The following PPP6R1 variants were observed in gnomAD, a reference collection of about 807,000 sequenced individuals.
PPP6R1 encodes the protein protein phosphatase 6 regulatory subunit 1, also known as serine/threonine-protein phosphatase 6 regulatory subunit 1.
Under a neutral mutation model 104.6 loss-of-function variants are expected in PPP6R1, and 39 were observed. That is an observed-to-expected ratio of 0.37 (90% CI 0.29 to 0.49). The LOEUF (loss-of-function observed/expected upper bound fraction) is 0.49, where lower values mean the gene tolerates loss of function less well. Ranked by LOEUF, PPP6R1 falls within the 20% of genes least tolerant of loss-of-function variation. PPP6R1 has a pLI of 0.98. For synonymous variants in PPP6R1, 549 were observed against 479.0 expected (o/e 1.15, Z -1.91); for missense variants, 1,181 against 1,155.8 (o/e 1.02, Z -0.32).
At position 55,236,728 on chromosome 19, in the gene PPP6R1, A is replaced by C; in HGVS notation, c.1903T>G (p.Ser635Ala). 1 of 1,613,834 alleles carries C rather than the reference A, an allele frequency of 6.2e-7. No individual in the cohort carries two copies. Among genetic ancestry groups the C allele is most frequent in the Non-Finnish European group, 8.5e-7 (1 of 1,179,830 alleles). Residue 635 changes from serine to alanine, a missense_variant, in exon 17 of 24, where the codon TCA (serine) becomes GCA (alanine). By Grantham distance (99) the Ser-to-Ala change is moderately conservative. Coordinates refer to ENST00000412770, the MANE Select transcript of PPP6R1 (RefSeq NM_014931.4). The part of the protein sequence containing the change: ...EEEDEEEAQG[S>A]GESDGEDGAW... Reference sequence around the variant, plus strand: ...CCATCTTCTCCATCAGACTCCCCTGAGCCCTGGGCCTCTTCCTCGTCCTCC... The same window carrying C: ...CCATCTTCTCCATCAGACTCCCCTGCGCCCTGGGCCTCTTCCTCGTCCTCC...
chr19:55,232,447 C>A, intron 17 of PPP6R1: 1 of 502,286 alleles, frequency 2.0e-6, no homozygotes, highest in Non-Finnish European at 3.4e-6. Context: ...AGGAGACCGT[C>A]CGTCGCCAGT....
chr19:55,233,233 A>G (rs2087365821), intron 17 of PPP6R1: 1 of 152,256 alleles, frequency 6.6e-6, no homozygotes, highest in African/African-American at 2.4e-5. Flanking sequence ...TTAACTGGAA[A>G]GTAATATATC....
In PPP6R1 at chr19:55,245,158, G is replaced by A. The variant is rs1283276236; in HGVS notation, c.580C>T (p.Arg194Trp). 5 of 1,613,238 alleles carry A rather than the reference G, an allele frequency of 3.1e-6. No individual in the cohort carries two copies. The Admixed American group carries it at 6.7e-5, about 22-fold the overall frequency. Residue 194 changes from arginine to tryptophan, a missense_variant, in exon 5 of 24, where the codon CGG (arginine) becomes TGG (tryptophan). Physicochemically the swap from Arg to Trp is moderately radical, Grantham distance 101. Transcript: ENST00000412770. The surrounding 1 kb of genome is among the most constrained non-coding windows in gnomAD (Gnocchi z 6.4). ...NWLNEEKIVQ[R>W]LIEQIHPSKD... ...GACGGGTGGATCTGCTCAATCAGCC[G>A]CTGGACGATCTTCTCCTCGTTGAGC... is the stretch of plus-strand genomic sequence containing the variant.
chr19:55,233,816 G>C (rs944453195), intron 17 of PPP6R1, among the ~76,000 whole-genome samples: 3 of 152,226 alleles, frequency 2.0e-5, no homozygotes, highest in African/African-American at 7.2e-5. Flanking sequence ...TCACGTATTA[G>C]AAGACGCAAG....
At chr19:55,257,350 G>A (rs1483190792) in intron 1 of PPP6R1, among the ~76,000 whole-genome samples, 1 of 152,226 alleles carries the variant, frequency 6.6e-6, no homozygotes, top group Non-Finnish European at 1.5e-5. Flanking sequence ...GCACCTGACA[G>A]TCTACGCAGC....
Position 55,241,024 on chromosome 19 carries a change from C to T in PPP6R1, c.1217G>A (p.Cys406Tyr). 6.4e-7 allele frequency: 1 copy of T among 1,574,550 alleles called. No individual in the cohort carries two copies. The highest frequency in any genetic ancestry group is 8.6e-7 in the Non-Finnish European group (1 of 1,160,094). ...NNFLHAQVEGCVSTMLSLGPP... is the reference protein window; with the variant it reads ...NNFLHAQVEGYVSTMLSLGPP... ...CCCCAAGCTCAGCATGGTGCTCACGCATCCCTCTACTTGGGCATGCAAGAA... is the reference window on the plus strand; with the variant it reads ...CCCCAAGCTCAGCATGGTGCTCACGTATCCCTCTACTTGGGCATGCAAGAA... The change falls in exon 10 of 24, where the codon TGC becomes TAC. Residue 406 changes from cysteine to tyrosine, a missense_variant. Physicochemically the swap from Cys to Tyr is radical, Grantham distance 194 (BLOSUM62 -2). Transcript: ENST00000412770. This position sits in a 1 kb window ranked among gnomAD's most constrained non-coding sequence, Gnocchi z 5.4.
intron 5 of PPP6R1, among the ~76,000 whole-genome samples, chr19:55,243,341 A>G (rs1312519478): frequency 2.2e-5 from 3 of 138,694 alleles, no homozygotes; most frequent in East Asian, 2.3e-4. Flanking sequence ...TGAACCTGGG[A>G]GGTGGAGGCT....
chr19:55,232,148 C>A lies in PPP6R1; in HGVS notation c.2052G>T (p.Glu684Asp). Reference protein sequence around the residue: ...EEEDEEEEEDEEGIGCAARGG... With the variant: ...EEEDEEEEEDDEGIGCAARGG... Reference sequence around the variant, plus strand: ...CACGGGCTGCACAGCCAATGCCCTCCTCGTCTTCCTCCTCCTCCTCGTCCT... The same window carrying A: ...CACGGGCTGCACAGCCAATGCCCTCATCGTCTTCCTCCTCCTCCTCGTCCT... Residue 684 changes from glutamate to aspartate, a missense_variant, in exon 18 of 24, where the codon GAG (glutamate) becomes GAT (aspartate). Physicochemically the swap from Glu to Asp is conservative, Grantham distance 45. Around this residue, in one of 2 missense-constraint regions of PPP6R1, gnomAD observed 1,042 missense variants for 955.6 expected, o/e 1.09. Transcript: ENST00000412770. 6.3e-7 allele frequency: 1 copy of A among 1,583,706 alleles called. No individual in the cohort carries two copies. The highest frequency in any genetic ancestry group is 2.3e-5 in the East Asian group (1 of 43,428).
Position 55,245,214 on chromosome 19 carries a change from G to A in PPP6R1, c.553-29C>T, listed in dbSNP as rs769456414. The A allele has an allele frequency of 4.7e-5, 76 of 1,608,452 alleles. No individual in the cohort carries two copies. Among genetic ancestry groups the A allele is most frequent in the Non-Finnish European group, 5.8e-5 (68 of 1,177,680 alleles). ...AGGGTGAGAAGGCGAGGGATGCATCGCTGTCCACCACGCCCAGCCCCCCAC... is the reference window on the plus strand; with the variant it reads ...AGGGTGAGAAGGCGAGGGATGCATCACTGTCCACCACGCCCAGCCCCCCAC... On this transcript the variant is annotated intron_variant, in intron 4 of 23. Coordinates refer to ENST00000412770, the MANE Select transcript of PPP6R1 (RefSeq NM_014931.4). This position sits in a 1 kb window ranked among gnomAD's most constrained non-coding sequence, Gnocchi z 6.4.
chr19:55,228,721 C>T (rs749731094), downstream of PPP6R1: 2 of 1,613,152 alleles, frequency 1.2e-6, no homozygotes, highest in Non-Finnish European at 1.7e-6. Flanking sequence ...TCAGGGTCTG[C>T]CCCGCTTTGC....
rs1432079157 is a variant in PPP6R1, at chr19:55,252,977, C to T, written c.-7+5458G>A. Reference sequence around the variant, plus strand: ...AGGCCTTGCACTATGTCCCAGCGTCCGCAGAGCTGATGAGATGCCGGCCAG... The same window carrying T: ...AGGCCTTGCACTATGTCCCAGCGTCTGCAGAGCTGATGAGATGCCGGCCAG... On this transcript the variant is annotated intron_variant, in intron 1 of 23. Transcript: ENST00000412770. Among the ~76,000 whole-genome samples, 8 of 152,298 alleles carry T rather than the reference C, an allele frequency of 5.3e-5. No homozygotes were observed. The South Asian group carries it at 1.0e-3, about 20-fold the overall frequency.
chr19:55,252,396 A>ATTTT (rs1179232184), intron 1 of PPP6R1, among the ~76,000 whole-genome samples: 1 of 70,588 alleles, frequency 1.4e-5, no homozygotes, highest in African/African-American at 5.5e-5. Context: ...TTCTTGGCTG[A>ATTTT]TTTTTTTTTT....
In PPP6R1 at chr19:55,232,262, C is replaced by T. The variant is rs1310676274; in HGVS notation, c.1989-51G>A. 8.0e-6 allele frequency: 12 copies of T among 1,495,336 alleles called. No homozygotes were observed. In the South Asian group the frequency reaches 1.2e-4, roughly 15 times the overall value. 92.6% of individuals were successfully genotyped at this position (1,495,336 alleles called of 1,614,324 possible). The stretch of plus-strand genomic sequence containing the variant: ...TAGCTGTGTGGGACAGACCGGCCGA[C>T]ACCCATCCTGTTCCCTGCAGCCCAG... On this transcript the variant is annotated intron_variant, in intron 17 of 23. Transcript: ENST00000412770.
chr19:55,230,409 G>C lies in PPP6R1; in HGVS notation c.*119C>G. On this transcript the variant is annotated 3_prime_UTR_variant, in exon 24 of 24. Coordinates refer to ENST00000412770, the MANE Select transcript of PPP6R1 (RefSeq NM_014931.4). ...CAGCCTCCTGGGGGTCCAGAGGAGA[G>C]AATGTGGGGGTGTCAGGGTGATGAG... 6.9e-7 allele frequency: 1 copy of C among 1,452,244 alleles called. No individual in the cohort carries two copies. Among genetic ancestry groups the C allele is most frequent in the South Asian group, 1.2e-5 (1 of 82,118 alleles). 90.0% of individuals were successfully genotyped at this position (1,452,244 alleles called of 1,614,324 possible). A position where few individuals can be genotyped will look rare whatever the true frequency, so the allele number is the denominator to read the frequency against.
intron 2 of PPP6R1, among the ~76,000 whole-genome samples, chr19:55,246,542 G>A (rs552240031): frequency 1.3e-5 from 2 of 152,186 alleles, no homozygotes; most frequent in South Asian, 4.2e-4. Flanking sequence ...TAAAATAAAA[G>A]GCGGCGAATA....
chr19:55,256,640 G>T (rs1326634007), intron 1 of PPP6R1, among the ~76,000 whole-genome samples: 1 of 152,314 alleles, frequency 6.6e-6, no homozygotes, highest in South Asian at 2.1e-4. Context: ...CAGGGCACCA[G>T]AGCAAGACCC....
chr19:55,231,788 C>T lies in PPP6R1; in HGVS notation c.2306+14G>A. ...GATACCAGCACCATTTAGCCCGTTC[C>T]ATCCGGTTCTCACCTGAGCTGCAGG... On this transcript the variant is annotated intron_variant, in intron 19 of 23. Coordinates refer to ENST00000412770, the MANE Select transcript of PPP6R1 (RefSeq NM_014931.4). 1 of 1,495,748 alleles carries T rather than the reference C, an allele frequency of 6.7e-7. No homozygotes were observed. Among genetic ancestry groups the T allele is most frequent in the Non-Finnish European group, 8.9e-7 (1 of 1,123,174 alleles). 92.7% of individuals were successfully genotyped at this position (1,495,748 alleles called of 1,614,324 possible). A position where few individuals can be genotyped will look rare whatever the true frequency, so the allele number is the denominator to read the frequency against.
At chr19:55,250,108 G>A (rs142983931) in intron 1 of PPP6R1, among the ~76,000 whole-genome samples, 3 of 152,300 alleles carry the variant, frequency 2.0e-5, no homozygotes, top group Non-Finnish European at 4.4e-5. Context: ...AGGAGGCCCT[G>A]CGGGTCTGGG....
intron 15 of PPP6R1, among the ~76,000 whole-genome samples, chr19:55,237,830 T>C (rs914443035): frequency 3.9e-5 from 6 of 152,222 alleles, no homozygotes; most frequent in Non-Finnish European, 7.3e-5. Context: ...TGGCTTCTGC[T>C]ACAGGAGCTA....
Sources: allele counts gnomAD v4.1 joint callset (sites outside exome capture counted in the v4.1 genomes callset), GRCh38; gene constraint gnomAD v4.1.1; regional missense constraint gnomAD v4.1.1; non-coding constraint Gnocchi (gnomAD v3.1); transcripts MANE v1.5; gene names NCBI Gene and HGNC (gene_info 2026-07-23, HGNC 2026-07-21).